KCNK12: variants seen among roughly 807,000 people sequenced by gnomAD.
KCNK12 encodes potassium channel subfamily K member 12.
Under a neutral mutation model 25.3 loss-of-function variants are expected in KCNK12, and 6 were observed. The ratio of observed to expected loss-of-function variants is 0.24; its 90% CI spans 0.13 to 0.47. The LOEUF (loss-of-function observed/expected upper bound fraction) is 0.47, where lower values mean the gene tolerates loss of function less well. Among genes scored for constraint, KCNK12 ranks in the 20% least tolerant of loss-of-function variants. The pLI is 0.99. For synonymous variants in KCNK12, 331 were observed against 311.1 expected (o/e 1.06, Z -0.67); for missense variants, 444 against 661.7 (o/e 0.67, Z 3.61).
At chr2:47,526,173 T>G (rs1454964946) in intron 1 of KCNK12, among the ~76,000 whole-genome samples, 12 of 148,350 alleles carry the variant, frequency 8.1e-5, no homozygotes, top group East Asian at 6.0e-4. Context: ...GGTGGGCAGG[T>G]CACTTGAGGT....
chr2:47,563,665 T>G (rs1669730969), intron 1 of KCNK12: 1 of 232,978 alleles, frequency 4.3e-6, no homozygotes, highest in African/African-American at 2.2e-5. Context: ...TGGTCCGGAC[T>G]CCAGCCCCCA....
At chr2:47,522,498 G>C (rs1668681015) in intron 1 of KCNK12, among the ~76,000 whole-genome samples, 1 of 152,066 alleles carries the variant, frequency 6.6e-6, no homozygotes, top group African/African-American at 2.4e-5. Context: ...TCTTTTTTGG[G>C]GGGATAGGTT....
At chr2:47,559,240 G>A (rs887081270) in intron 1 of KCNK12, among the ~76,000 whole-genome samples, 1 of 152,176 alleles carries the variant, frequency 6.6e-6, no homozygotes, top group Admixed American at 6.5e-5. Context: ...TGAGCTGGCT[G>A]CCCTGCTGCA....
Position 47,553,319 on chromosome 2 carries a change from CAT to C in KCNK12, c.391+16620_391+16621del, listed in dbSNP as rs569662195. 2.0e-5 allele frequency among the ~76,000 whole-genome samples: 3 copies of C among 152,334 alleles called. No homozygotes were observed. In the East Asian group the frequency reaches 5.8e-4, roughly 29 times the overall value. ...CAGTCCTCTTGAATAAGTTTGGAAT[CAT>C]ATAGCAGTTCAGAGCTGAATATACA... On this transcript the variant is annotated intron_variant, in intron 1 of 1. Coordinates refer to ENST00000327876, the MANE Select transcript of KCNK12 (RefSeq NM_022055.2).
At chr2:47,534,477 A>G (rs1206562101) in intron 1 of KCNK12, among the ~76,000 whole-genome samples, 3 of 99,104 alleles carry the variant, frequency 3.0e-5, no homozygotes, top group African/African-American at 1.3e-4. Flanking sequence ...CTCCCTGATG[A>G]CTAATCCTTT....
chr2:47,546,198 A>G (rs1258068830), intron 1 of KCNK12, among the ~76,000 whole-genome samples: 4 of 152,258 alleles, frequency 2.6e-5, no homozygotes, highest in Non-Finnish European at 5.9e-5. Context: ...AGGCATATCA[A>G]TCTACTTGGT....
At chr2:47,563,619 C>T (rs1171444460) in intron 1 of KCNK12, 1 of 233,036 alleles carries the variant, frequency 4.3e-6, no homozygotes, top group African/African-American at 2.2e-5. Flanking sequence ...TCAGAGAAGA[C>T]TTCAGGGAGC....
In KCNK12 at chr2:47,528,794, G is replaced by A. The variant is rs1040898334; in HGVS notation, c.392-6986C>T. On this transcript the variant is annotated intron_variant, in intron 1 of 1. Transcript: ENST00000327876. This position sits in a 1 kb window ranked among gnomAD's most constrained non-coding sequence, Gnocchi z 4.5. The stretch of plus-strand genomic sequence containing the variant: ...TGCCGCCTTCGCAAATGGGGCCCTG[G>A]TGATGGGGCCTTCGGAGTTCAGCTC... 6.6e-6 allele frequency among the ~76,000 whole-genome samples: 1 copy of A among 152,210 alleles called. No homozygotes were observed. The highest frequency in any genetic ancestry group is 1.5e-5 in the Non-Finnish European group (1 of 68,036).
rs1331615824 is a variant in KCNK12 at position 47,515,795 on chromosome 2, A to G, written c.*5112T>C. Among the ~76,000 whole-genome samples, 1 of 152,192 alleles carries G rather than the reference A, an allele frequency of 6.6e-6. No homozygotes were observed. The highest frequency in any genetic ancestry group is 2.4e-5 in the African/African-American group (1 of 41,434). On this transcript the variant is annotated 3_prime_UTR_variant, in exon 2 of 2. Transcript: ENST00000327876. ...GTTTGCACTATTATTAGGGCAAGTA[A>G]GCTGCTTCTGAAAAGAAGGGGTTTG...
intron 1 of KCNK12, among the ~76,000 whole-genome samples, chr2:47,531,716 G>C (rs533108431): frequency 6.6e-6 from 1 of 152,244 alleles, no homozygotes; most frequent in African/African-American, 2.4e-5. Flanking sequence ...AGGGAATTGG[G>C]GTAACCAAAG....
chr2:47,541,772 A>C (rs1419374472), intron 1 of KCNK12, among the ~76,000 whole-genome samples: 1 of 152,238 alleles, frequency 6.6e-6, no homozygotes, highest in Non-Finnish European at 1.5e-5. Context: ...CTGCAAGCCA[A>C]GGAGAGAGTC....
intron 1 of KCNK12, among the ~76,000 whole-genome samples, chr2:47,554,845 C>T (rs188740037): frequency 6.6e-6 from 1 of 152,154 alleles, no homozygotes; most frequent in Admixed American, 6.5e-5. Flanking sequence ...GTAGACTGGT[C>T]GTGATGGGCA....
At chr2:47,523,804 C>T (rs191824026) in intron 1 of KCNK12, among the ~76,000 whole-genome samples, 3 of 152,332 alleles carry the variant, frequency 2.0e-5, no homozygotes, top group Admixed American at 2.0e-4. Flanking sequence ...AGTCTGGCAG[C>T]GATCAGGGGC....
In KCNK12 at chr2:47,540,043, G is replaced by A. The variant is rs1669163285; in HGVS notation, c.392-18235C>T. Among the ~76,000 whole-genome samples the A allele has an allele frequency of 6.6e-6, 1 of 152,198 alleles. No individual in the cohort carries two copies. The highest frequency in any genetic ancestry group is 2.4e-5 in the African/African-American group (1 of 41,458). On this transcript the variant is annotated intron_variant, in intron 1 of 1. Coordinates refer to ENST00000327876, the MANE Select transcript of KCNK12 (RefSeq NM_022055.2). The surrounding 1 kb of genome is among the most constrained non-coding windows in gnomAD (Gnocchi z 5.4). ...CCCCATCTATCAAGTAGACAGCACT[G>A]CCTTACAGATGGTTGTGGGGATCAG... is the stretch of plus-strand genomic sequence containing the variant.
rs1668748331 is a variant in KCNK12 at position 47,525,419 on chromosome 2, C to G, written c.392-3611G>C. Among the ~76,000 whole-genome samples the G allele has an allele frequency of 1.3e-5, 2 of 152,188 alleles. No homozygotes were observed. Among genetic ancestry groups the G allele is most frequent in the East Asian group, 1.9e-4 (1 of 5,194 alleles). On this transcript the variant is annotated intron_variant, in intron 1 of 1. Transcript: ENST00000327876. The surrounding 1 kb of genome is among the most constrained non-coding windows in gnomAD (Gnocchi z 4.1). Reference sequence around the variant, plus strand: ...TGGCTGGGCACAGCCGCTCACAGGCCTACCCAGAGTGGAGCATGGTGAGGG... The same window carrying G: ...TGGCTGGGCACAGCCGCTCACAGGCGTACCCAGAGTGGAGCATGGTGAGGG...
At position 47,514,730 on chromosome 2, in the gene KCNK12, C is replaced by G. The variant is rs923386759; in HGVS notation, c.*6177G>C. Among the ~76,000 whole-genome samples, 1 of 151,996 alleles carries G rather than the reference C, an allele frequency of 6.6e-6. No individual in the cohort carries two copies. Among genetic ancestry groups the G allele is most frequent in the Non-Finnish European group, 1.5e-5 (1 of 68,004 alleles). Reference sequence around the variant, plus strand: ...GGCTCAGGCGATCCTCCCACCTCAGCCCCCTGAGTCTCTTGGACTCCAGGC... The same window carrying G: ...GGCTCAGGCGATCCTCCCACCTCAGGCCCCTGAGTCTCTTGGACTCCAGGC... On this transcript the variant is annotated 3_prime_UTR_variant, in exon 2 of 2. Coordinates refer to ENST00000327876, the MANE Select transcript of KCNK12 (RefSeq NM_022055.2). This position sits in a 1 kb window ranked among gnomAD's most constrained non-coding sequence, Gnocchi z 5.0.
At chr2:47,522,625 C>G (rs1191162129) in intron 1 of KCNK12, among the ~76,000 whole-genome samples, 6 of 152,194 alleles carry the variant, frequency 3.9e-5, no homozygotes, top group African/African-American at 1.4e-4. Context: ...CAGGTGTATG[C>G]CACCATGTCC....
Position 47,512,428 on chromosome 2 carries a change from C to T in KCNK12, c.*8479G>A, listed in dbSNP as rs114185517. ...GACAGAACCAGGGCAGTGGTGAGCT[C>T]TCATGACCTGGTGTCTGTTGCCTTC... On this transcript the variant is annotated 3_prime_UTR_variant, in exon 2 of 2. Transcript: ENST00000327876. 1,275 of 1,605,782 alleles carry T rather than the reference C, an allele frequency of 7.9e-4. 12 individuals carry two copies. In the African/African-American group the frequency reaches 0.015, roughly 18 times the overall value.
intron 1 of KCNK12, among the ~76,000 whole-genome samples, chr2:47,559,543 C>T (rs370160635): frequency 1.4e-4 from 21 of 152,284 alleles, no homozygotes; most frequent in African/African-American, 4.8e-4. Context: ...TGCTGCACTT[C>T]GAAGTAGTCA....
Sources: gnomAD v4.1 joint callset for allele counts (sites outside exome capture counted in the v4.1 genomes callset) on GRCh38, gnomAD v4.1.1 for gene constraint, Gnocchi (gnomAD v3.1) non-coding constraint, MANE v1.5 for transcripts, NCBI Gene and HGNC (gene_info 2026-07-23, HGNC 2026-07-21) for gene names.